The following SLC35E1 variants were observed in gnomAD, a reference collection of about 807,000 sequenced individuals.
SLC35E1 encodes the protein solute carrier family 35, member E1.
In SLC35E1, 12 loss-of-function variants were observed where a neutral mutation model predicts 31.0. The ratio of observed to expected loss-of-function variants is 0.39; its 90% CI spans 0.25 to 0.63. The LOEUF (loss-of-function observed/expected upper bound fraction) is 0.63. Ranked by LOEUF, SLC35E1 falls within the 20% of genes least tolerant of loss-of-function variation. The pLI, the probability that SLC35E1 is intolerant of heterozygous loss-of-function variation, is 0.52. For missense variants in SLC35E1, 429 were observed against 572.2 expected (o/e 0.75, Z 2.55); for synonymous variants, 257 against 264.1 (o/e 0.97, Z 0.26).
Position 16,555,434 on chromosome 19 carries a change from G to C in SLC35E1, c.757-37C>G, listed in dbSNP as rs749867004. 3 of 1,604,906 alleles carry C rather than the reference G, an allele frequency of 1.9e-6. No individual in the cohort carries two copies. The highest frequency in any genetic ancestry group is 3.3e-5 in the Admixed American group (2 of 59,710). On this transcript the variant is annotated intron_variant, in intron 4 of 5. Coordinates refer to ENST00000595753, the MANE Select transcript of SLC35E1 (RefSeq NM_024881.5). The surrounding 1 kb of genome is among the most constrained non-coding windows in gnomAD (Gnocchi z 4.1). ...GGAAGGTAAAGACAGCACTTCAGTG[G>C]GCAGCGGTGACCCTGCCTCCCTGTA...
chr19:16,571,147 C>T (rs1037219907), intron 2 of SLC35E1, among the ~76,000 whole-genome samples: 1 of 151,810 alleles, frequency 6.6e-6, no homozygotes, highest in African/African-American at 2.4e-5. Flanking sequence ...CTGATCCATC[C>T]ATCCCTAGTC....
Position 16,566,599 on chromosome 19 carries a change from G to A in SLC35E1, c.689C>T (p.Ala230Val). 2 of 1,612,708 alleles carry A rather than the reference G, an allele frequency of 1.2e-6. No homozygotes were observed. Among genetic ancestry groups the A allele is most frequent in the South Asian group, 2.2e-5 (2 of 91,014 alleles). ...LRLLNILGCH[A>V]VFFMIPTWVL... ...CCAGGTGGGGATCATAAAGAAGACG[G>A]CGTGGCAGCCCAGGATGTTGAGCAG... The change falls in exon 4 of 6, where the codon GCC (alanine) becomes GTC (valine). Residue 230 changes from alanine (A) to valine (V), a missense_variant. Ala to Val is a moderately conservative substitution (Grantham distance 64). Transcript: ENST00000595753.
rs1052366025 is a variant in SLC35E1, at chr19:16,572,379, C to T, written c.-15G>A. 2 of 1,000,084 alleles carry T rather than the reference C, an allele frequency of 2.0e-6. No homozygotes were observed. The highest frequency in any genetic ancestry group is 1.8e-5 in the African/African-American group (1 of 57,106). The allele number at this position is 1,000,084 out of a possible 1,614,324, so 62.0% of individuals were successfully genotyped here. ...GCCGCCGCCATCCTGCCCGAGCGGCCGCCCCTTCCAGCCCGTCCGACGGCC... is the reference window on the plus strand; with the variant it reads ...GCCGCCGCCATCCTGCCCGAGCGGCTGCCCCTTCCAGCCCGTCCGACGGCC... On this transcript the variant is annotated 5_prime_UTR_variant, in exon 1 of 6. Coordinates refer to ENST00000595753, the MANE Select transcript of SLC35E1 (RefSeq NM_024881.5). The surrounding 1 kb of genome is among the most constrained non-coding windows in gnomAD (Gnocchi z 4.1).
In SLC35E1 at chr19:16,553,731, T is replaced by C. The variant is rs1200700853; in HGVS notation, c.1181A>G (p.Tyr394Cys). 1.9e-6 allele frequency: 3 copies of C among 1,605,934 alleles called. No individual in the cohort carries two copies. Among genetic ancestry groups the C allele is most frequent in the East Asian group, 2.2e-5 (1 of 44,668 alleles). ...CGAGTTTGGGTAGCTCTGCCGGCTGTATTGGAAGTGGTCTGTTAAGATGTT... is the reference window on the plus strand; with the variant it reads ...CGAGTTTGGGTAGCTCTGCCGGCTGCATTGGAAGTGGTCTGTTAAGATGTT... Reference protein sequence around the residue: ...RNNILTDHFQYSRQSYPNSYS... With the variant: ...RNNILTDHFQCSRQSYPNSYS... Residue 394 changes from tyrosine (Y) to cysteine (C), a missense_variant, in exon 6 of 6, where the codon TAC becomes TGC. Physicochemically the swap from Tyr to Cys is radical, Grantham distance 194 (BLOSUM62 -2). Coordinates refer to ENST00000595753, the MANE Select transcript of SLC35E1 (RefSeq NM_024881.5).
chr19:16,560,866 ACAAAAAAAAAAAAC>A (rs1461123673), intron 4 of SLC35E1, among the ~76,000 whole-genome samples: 3 of 133,096 alleles, frequency 2.3e-5, no homozygotes, highest in Admixed American at 1.5e-4. Flanking sequence ...CATCTCAAAA[ACAAAAAAAAAAAAC>A]CAAAAAAAAA....
intron 2 of SLC35E1, among the ~76,000 whole-genome samples, chr19:16,570,518 T>G (rs1307437895): frequency 6.6e-6 from 1 of 152,162 alleles, no homozygotes; most frequent in African/African-American, 2.4e-5. Context: ...AACTTCCACT[T>G]AAGAATACGG....
rs1391131623 is a variant in SLC35E1 at position 16,572,080 on chromosome 19, C to T, written c.285G>A (p.Pro95=). 2 of 1,535,324 alleles carry T rather than the reference C, an allele frequency of 1.3e-6. No homozygotes were observed. Among genetic ancestry groups the T allele is most frequent in the Admixed American group, 2.0e-5 (1 of 49,800 alleles). Residue 95 remains proline, a synonymous_variant, in exon 1 of 6, where the codon CCG becomes CCA. Coordinates refer to ENST00000595753, the MANE Select transcript of SLC35E1 (RefSeq NM_024881.5). The surrounding 1 kb of genome is among the most constrained non-coding windows in gnomAD (Gnocchi z 4.1). Reference sequence around the variant, plus strand: ...GCAGCAGCGGGCCGGACGACGGATGCGGACTGGGTCCGGGGCCCGAGACGG... The same window carrying T: ...GCAGCAGCGGGCCGGACGACGGATGTGGACTGGGTCCGGGGCCCGAGACGG... ...APPVSGPGPS[P]HPSSGPLLPP... is the part of the protein sequence containing the mutation.
chr19:16,559,477 C>T (rs1599317712), intron 4 of SLC35E1, among the ~76,000 whole-genome samples: 1 of 143,628 alleles, frequency 7.0e-6, no homozygotes, highest in Admixed American at 7.8e-5. Context: ...CACACACACA[C>T]ACACACACAC....
At position 16,555,392 on chromosome 19, in the gene SLC35E1, G is replaced by A. The variant is rs774592798; in HGVS notation, c.762C>T (p.Tyr254=). 6.2e-6 allele frequency: 10 copies of A among 1,613,604 alleles called. No individual in the cohort carries two copies. The highest frequency in any genetic ancestry group is 4.5e-5 in the East Asian group (2 of 44,882). ...SAFLVSSDLT[Y]VYQWPWTLLL... is the part of the protein sequence containing the mutation. ...GGAGCGTCCAGGGCCACTGGTAGAC[G>A]TAGGTCTGCAGAGACCGGAAGGTAA... The change falls in exon 5 of 6, where the codon TAC becomes TAT. Residue 254 remains tyrosine (Y), a synonymous_variant. Transcript: ENST00000595753. The surrounding 1 kb of genome is among the most constrained non-coding windows in gnomAD (Gnocchi z 4.1).
rs538402473 is a variant in SLC35E1, at chr19:16,558,706, T to C, written c.757-3309A>G. Among the ~76,000 whole-genome samples the C allele has an allele frequency of 4.0e-4, 61 of 152,246 alleles. 1 individual carries two copies. The highest frequency in any genetic ancestry group is 1.4e-3 in the African/African-American group (60 of 41,562). The stretch of plus-strand genomic sequence containing the variant: ...TTAAACTGGATAATGTAGACTGATT[T>C]ATCTTCAAGTTATTGGCTCCTTCCT... On this transcript the variant is annotated intron_variant, in intron 4 of 5. Coordinates refer to ENST00000595753, the MANE Select transcript of SLC35E1 (RefSeq NM_024881.5).
At chr19:16,564,524 T>C (rs1372012817) in intron 4 of SLC35E1, among the ~76,000 whole-genome samples, 1 of 152,112 alleles carries the variant, frequency 6.6e-6, no homozygotes, top group Non-Finnish European at 1.5e-5. Context: ...CAGGCTGGTC[T>C]TGAACTCCTG....
At chr19:16,562,531 G>A (rs998272391) in intron 4 of SLC35E1, among the ~76,000 whole-genome samples, 2 of 152,088 alleles carry the variant, frequency 1.3e-5, no homozygotes, top group South Asian at 2.1e-4. Context: ...TGAAATCATC[G>A]CTAGATTACT....
intron 4 of SLC35E1, among the ~76,000 whole-genome samples, chr19:16,562,377 G>A (rs1408763349): frequency 6.6e-6 from 1 of 152,192 alleles, no homozygotes; most frequent in Admixed American, 6.5e-5. Flanking sequence ...TGAACAAGGT[G>A]CAGAATAGTT....
intron 4 of SLC35E1, among the ~76,000 whole-genome samples, chr19:16,560,113 CT>C (rs1473829981): frequency 6.6e-6 from 1 of 152,098 alleles, no homozygotes; most frequent in African/African-American, 2.4e-5. Context: ...AAGCGGTGGT[CT>C]CTCCCACAGT....
chr19:16,561,233 A>G (rs1213471676), intron 4 of SLC35E1, among the ~76,000 whole-genome samples: 1 of 144,726 alleles, frequency 6.9e-6, no homozygotes, highest in Non-Finnish European at 1.5e-5. Context: ...AAAAAAAAAA[A>G]AAAAAAAAAA....
intron 4 of SLC35E1, chr19:16,556,955 A>T (rs1568271690): frequency 2.1e-6 from 1 of 471,418 alleles, no homozygotes; most frequent in East Asian, 6.9e-5. Context: ...TCTGCGGGGA[A>T]CCTCACTGGA....
chr19:16,554,266 A>AG (rs1431827930), intron 5 of SLC35E1, among the ~76,000 whole-genome samples: 4 of 138,572 alleles, frequency 2.9e-5, no homozygotes, highest in East Asian at 2.1e-4. Context: ...ACGCTGTCTC[A>AG]GAAAAAAAAA....
intron 4 of SLC35E1, among the ~76,000 whole-genome samples, chr19:16,560,881 C>CAAAAAAAAAAAAAAAAAAAAAAAAAACA (rs1304202019): frequency 1.5e-5 from 1 of 68,060 alleles, no homozygotes; most frequent in Non-Finnish European, 2.9e-5. Context: ...AAAAAAAAAC[C>CAAAAAAAAAAAAAAAAAAAAAAAAAACA]AAAAAAAAAA....
chr19:16,557,738 G>T (rs1216859267), intron 4 of SLC35E1, among the ~76,000 whole-genome samples: 2 of 152,240 alleles, frequency 1.3e-5, no homozygotes, highest in African/African-American at 4.8e-5. Flanking sequence ...CATCCATGTT[G>T]TGAGGGACAA....
Sources: gnomAD v4.1 joint callset for allele counts (sites outside exome capture counted in the v4.1 genomes callset) on GRCh38, gnomAD v4.1.1 for gene constraint, Gnocchi (gnomAD v3.1) non-coding constraint, MANE v1.5 for transcripts, NCBI Gene and HGNC (gene_info 2026-07-23, HGNC 2026-07-21) for gene names.